Variants in STAT3 observed in about 807,000 individuals in gnomAD.
STAT3 encodes DNA-binding protein APRF.
Under a neutral mutation model 114.3 loss-of-function variants are expected in STAT3, and 7 were observed. The observed-to-expected ratio is 0.06, with a 90% confidence interval of 0.03 to 0.11. The LOEUF is 0.11. STAT3 is among the 10% of genes least tolerant of loss of function. The probability of loss-of-function intolerance (pLI) is 1.00; values close to 1 mark genes in which losing one functional copy is unlikely to be tolerated. For missense variants in STAT3, 364 were observed against 960.9 expected (o/e 0.38, Z 8.21); for synonymous variants, 331 against 354.5 (o/e 0.93, Z 0.74).
rs150541302 is a variant in STAT3, at chr17:42,382,601, C to T, written c.-24+5678G>A. 4.6e-5 allele frequency among the ~76,000 whole-genome samples: 7 copies of T among 152,224 alleles called. No individual in the cohort carries two copies. In the East Asian group the frequency reaches 1.4e-3, roughly 29 times the overall value. On this transcript the variant is annotated intron_variant, in intron 1 of 23. Coordinates refer to ENST00000264657, the MANE Select transcript of STAT3 (RefSeq NM_139276.3). ...ATCCTGCCTGACGCAATACCTGGCTCTCAACATGTTTGCTGATCTGAATTA... is the reference window on the plus strand; with the variant it reads ...ATCCTGCCTGACGCAATACCTGGCTTTCAACATGTTTGCTGATCTGAATTA...
Position 42,314,421 on chromosome 17 carries a change from G to C in STAT3, c.*1324C>G, listed in dbSNP as rs1242966702. ...CCAGGATTCCTAAAACAAACAGGAT[G>C]AGGGACCTTTAGACACGCAAGGAGA... On this transcript the variant is annotated 3_prime_UTR_variant, in exon 24 of 24. Transcript: ENST00000264657. The C allele has an allele frequency of 4.5e-6, 1 of 219,950 alleles. No individual in the cohort carries two copies. Among genetic ancestry groups the C allele is most frequent in the Non-Finnish European group, 9.1e-6 (1 of 109,744 alleles). The allele number at this position is 219,950 out of a possible 1,614,324, so 13.6% of individuals were successfully genotyped here.
chr17:42,325,077 G>A lies in STAT3; in HGVS notation c.1366-16C>T. 6.2e-7 allele frequency: 1 copy of A among 1,612,504 alleles called. No individual in the cohort carries two copies. The highest frequency in any genetic ancestry group is 8.5e-7 in the Non-Finnish European group (1 of 1,178,704). On this transcript the variant is annotated splice_polypyrimidine_tract_variant and intron_variant, in intron 15 of 23. Transcript: ENST00000264657. ...AGGAGTGGGTCTGCGGAGGGAGTGG[G>A]GACTGAGCTGGGGAGGCAGAGGGGC...
intron 1 of STAT3, among the ~76,000 whole-genome samples, chr17:42,375,282 T>C (rs2084387841): frequency 6.6e-6 from 1 of 152,186 alleles, no homozygotes; most frequent in South Asian, 2.1e-4. Flanking sequence ...CAAAGAAGAC[T>C]TTATATTCTA....
chr17:42,358,251 A>G (rs770926582), intron 1 of STAT3, among the ~76,000 whole-genome samples: 1 of 152,130 alleles, frequency 6.6e-6, no homozygotes, highest in Non-Finnish European at 1.5e-5. Flanking sequence ...CCTTGCCTCT[A>G]CAAAAAAATT....
chr17:42,358,835 T>C (rs1018259971), intron 1 of STAT3, among the ~76,000 whole-genome samples: 2 of 152,094 alleles, frequency 1.3e-5, no homozygotes, highest in African/African-American at 4.8e-5. Flanking sequence ...ATAATGGTTG[T>C]ACAGCATCCC....
intron 21 of STAT3, among the ~76,000 whole-genome samples, chr17:42,319,579 A>C (rs2081387123): frequency 6.6e-6 from 1 of 150,624 alleles, no homozygotes; most frequent in South Asian, 2.1e-4. Flanking sequence ...GCTGAGAAAA[A>C]TGACTTCATT....
chr17:42,362,641 C>T (rs897671096), intron 1 of STAT3, among the ~76,000 whole-genome samples: 3 of 152,180 alleles, frequency 2.0e-5, no homozygotes, highest in Non-Finnish European at 4.4e-5. Context: ...CTCTTTGTGC[C>T]TTAATTTCCT....
chr17:42,347,065 G>A (rs2082730468), intron 2 of STAT3, among the ~76,000 whole-genome samples: 1 of 151,124 alleles, frequency 6.6e-6, no homozygotes, highest in Non-Finnish European at 1.5e-5. Context: ...GTGGGCACCT[G>A]TAATCCCAGC....
intron 11 of STAT3, 116 bp downstream of exon 11, chr17:42,331,356 T>C (rs2082003247): frequency 2.0e-6 from 2 of 987,614 alleles, no homozygotes; most frequent in Non-Finnish European, 3.1e-6. Flanking sequence ...AAAACTTTTG[T>C]CCACAAAATG....
chr17:42,322,913 C>A, intron 20 of STAT3, 91 bp downstream of exon 20: 2 of 1,593,728 alleles, frequency 1.3e-6, no homozygotes, highest in Admixed American at 1.7e-5. Context: ...GCCATCTCCA[C>A]CCACCAGGGG....
chr17:42,321,991 T>G (rs979180645), intron 21 of STAT3, among the ~76,000 whole-genome samples: 1 of 152,016 alleles, frequency 6.6e-6, no homozygotes, highest in Non-Finnish European at 1.5e-5. Flanking sequence ...ACCGGGTAAT[T>G]TTTTTGGATT....
At chr17:42,357,374 A>G (rs892638135) in intron 1 of STAT3, among the ~76,000 whole-genome samples, 1 of 152,188 alleles carries the variant, frequency 6.6e-6, no homozygotes, top group Non-Finnish European at 1.5e-5. Flanking sequence ...TGGATGACAG[A>G]GAGTCCACAT....
At position 42,324,216 on chromosome 17, in the gene STAT3, G is replaced by A. The variant is rs2081603694; in HGVS notation, c.1600+495C>T. On this transcript the variant is annotated intron_variant, in intron 17 of 23. Coordinates refer to ENST00000264657, the MANE Select transcript of STAT3 (RefSeq NM_139276.3). This position sits in a 1 kb window ranked among gnomAD's most constrained non-coding sequence, Gnocchi z 4.5. ...CACCTGTAGTCTCAGCTACTCGGGA[G>A]GCCGAGGCAGAAGAATCGCTTGAAC... is the stretch of plus-strand genomic sequence containing the variant. 6.6e-6 allele frequency among the ~76,000 whole-genome samples: 1 copy of A among 152,074 alleles called. No individual in the cohort carries two copies. The highest frequency in any genetic ancestry group is 6.6e-5 in the Admixed American group (1 of 15,254).
chr17:42,348,354 C>A (rs760971583), intron 2 of STAT3, 35 bp downstream of exon 2: 7 of 1,613,582 alleles, frequency 4.3e-6, no homozygotes. Flanking sequence ...AAACTGAAAC[C>A]TAACAATTTG....
chr17:42,376,044 G>C (rs865969824), intron 1 of STAT3, among the ~76,000 whole-genome samples: 1 of 151,494 alleles, frequency 6.6e-6, no homozygotes, highest in African/African-American at 2.4e-5. Context: ...CCAGCTACTC[G>C]GGAGGCTGAG....
At chr17:42,315,826 G>T (rs372390326) in intron 23 of STAT3, 26 bp from the exon 24 acceptor site, 9 of 1,613,804 alleles carry the variant, frequency 5.6e-6, no homozygotes, top group Non-Finnish European at 7.6e-6. Context: ...GGGAAAACTA[G>T]TTCAGTTGTC....
intron 14 of STAT3, 58 bp from the exon 15 acceptor site, chr17:42,326,257 C>T: frequency 1.9e-6 from 3 of 1,545,760 alleles, no homozygotes; most frequent in Non-Finnish European, 2.7e-6. Flanking sequence ...CCTGTAATCC[C>T]AGCACTTTGG....
intron 1 of STAT3, among the ~76,000 whole-genome samples, chr17:42,370,266 G>A (rs1291873731): frequency 6.9e-6 from 1 of 144,836 alleles, no homozygotes; most frequent in African/African-American, 2.6e-5. Flanking sequence ...TTTTTTTTGA[G>A]ACAGAGTCTT....
chr17:42,355,853 T>C (rs534527672), intron 1 of STAT3, among the ~76,000 whole-genome samples: 9 of 152,216 alleles, frequency 5.9e-5, no homozygotes, highest in Non-Finnish European at 1.0e-4. Flanking sequence ...TTAAGACTTG[T>C]ACTTCACATC....
Sources: allele counts gnomAD v4.1 joint callset (sites outside exome capture counted in the v4.1 genomes callset), GRCh38; gene constraint gnomAD v4.1.1; non-coding constraint Gnocchi (gnomAD v3.1); transcripts MANE v1.5; gene names NCBI Gene and HGNC (gene_info 2026-07-23, HGNC 2026-07-21).